Variants in PYROXD1 observed in about 807,000 individuals in gnomAD.
The protein encoded by PYROXD1 is tRNA ligase complex-associated NAD(P)H dehydrogenase PYROXD1.
PYROXD1 carries 42 observed loss-of-function variants against 62.0 expected under a neutral mutation model. The ratio of observed to expected loss-of-function variants is 0.68; its 90% CI spans 0.53 to 0.88. PYROXD1 has a LOEUF of 0.88. PYROXD1 is among the 40% of genes least tolerant of loss of function. PYROXD1 has a pLI of 0.00. For synonymous variants in PYROXD1, 170 were observed against 206.4 expected (o/e 0.82, Z 1.51); for missense variants, 493 against 604.8 (o/e 0.82, Z 1.94).
intron 2 of PYROXD1, among the ~76,000 whole-genome samples, chr12:21,444,635 G>A (rs80091847): frequency 0.016 from 2,429 of 151,768 alleles, 84 homozygotes; most frequent in Admixed American, 0.088. Context: ...CTAGAAGTAG[G>A]TTCTTACATA....
At chr12:21,437,994 A>G in intron 1 of PYROXD1, 180 bp downstream of exon 1, 1 of 621,032 alleles carries the variant, frequency 1.6e-6, no homozygotes, top group Non-Finnish European at 2.8e-6. Context: ...TGACCTCACT[A>G]GCTTTCTCTT....
At chr12:21,443,178 C>T (rs952998617) in intron 2 of PYROXD1, among the ~76,000 whole-genome samples, 2 of 152,042 alleles carry the variant, frequency 1.3e-5, no homozygotes, top group African/African-American at 4.8e-5. Context: ...AGATAGAATA[C>T]CAGAAGCTCC....
At chr12:21,457,901 A>T (rs1251419939) in intron 7 of PYROXD1, among the ~76,000 whole-genome samples, 1 of 148,860 alleles carries the variant, frequency 6.7e-6, no homozygotes, top group Non-Finnish European at 1.5e-5. Flanking sequence ...CAAACCATAT[A>T]ATGCTGTCAT....
chr12:21,462,924 G>A, intron 10 of PYROXD1, 62 bp downstream of exon 10: 11 of 1,519,512 alleles, frequency 7.2e-6, no homozygotes, highest in Non-Finnish European at 9.7e-6. Context: ...TAAAGCGGTT[G>A]TTACCAACAA....
intron 7 of PYROXD1, among the ~76,000 whole-genome samples, chr12:21,460,408 A>G (rs891126690): frequency 6.8e-6 from 1 of 147,882 alleles, no homozygotes; most frequent in Non-Finnish European, 1.5e-5. Flanking sequence ...TTATTTATTT[A>G]TTTATTTATT....
At chr12:21,460,729 C>G (rs1024741371) in intron 7 of PYROXD1, among the ~76,000 whole-genome samples, 2 of 152,094 alleles carry the variant, frequency 1.3e-5, no homozygotes, top group African/African-American at 4.8e-5. Flanking sequence ...CCAACAACTA[C>G]TGTAATTTTT....
At chr12:21,465,216 C>T (rs899335165) in intron 10 of PYROXD1, among the ~76,000 whole-genome samples, 17 of 152,190 alleles carry the variant, frequency 1.1e-4, no homozygotes, top group African/African-American at 4.1e-4. Flanking sequence ...AATGGTATTT[C>T]TAGTTCTAGA....
At chr12:21,458,960 G>A (rs948748733) in intron 7 of PYROXD1, among the ~76,000 whole-genome samples, 13 of 152,294 alleles carry the variant, frequency 8.5e-5, no homozygotes, top group African/African-American at 3.1e-4. Flanking sequence ...CTTGCTTGAT[G>A]TGGGTTTGTC....
At chr12:21,458,780 G>C (rs184930283) in intron 7 of PYROXD1, among the ~76,000 whole-genome samples, 12 of 152,196 alleles carry the variant, frequency 7.9e-5, no homozygotes, top group Non-Finnish European at 1.0e-4. Flanking sequence ...TGTTAGATGG[G>C]TGTGGTTCAT....
At chr12:21,463,519 C>T (rs1270404350) in intron 10 of PYROXD1, among the ~76,000 whole-genome samples, 5 of 151,780 alleles carry the variant, frequency 3.3e-5, no homozygotes, top group East Asian at 3.9e-4. Flanking sequence ...GATGAAACCC[C>T]GTCTTTACTA....
intron 9 of PYROXD1, 21 bp downstream of exon 9, chr12:21,462,141 C>A (rs1379882167): frequency 6.4e-6 from 9 of 1,403,010 alleles, no homozygotes; most frequent in Non-Finnish European, 9.1e-6. Context: ...ATTTTTTTGT[C>A]CAGCTGTGAA....
At position 21,469,964 on chromosome 12, in the gene PYROXD1, T is replaced by C; in HGVS notation, c.*1210T>C. On this transcript the variant is annotated 3_prime_UTR_variant, in exon 12 of 12. Coordinates refer to ENST00000240651, the MANE Select transcript of PYROXD1 (RefSeq NM_024854.5). ...TCTCAAATATTTTACATTTAAAGGG[T>C]TTTACATAAAAATTTTTCCCTTGTT... 1 of 465,932 alleles carries C rather than the reference T, an allele frequency of 2.1e-6. No individual in the cohort carries two copies. The highest frequency in any genetic ancestry group is 4.5e-5 in the East Asian group (1 of 22,450). 28.9% of individuals were successfully genotyped at this position (465,932 alleles called of 1,614,324 possible). A position where few individuals can be genotyped will look rare whatever the true frequency, so the allele number is the denominator to read the frequency against.
chr12:21,456,590 ATCT>A (rs1461326119), intron 7 of PYROXD1, among the ~76,000 whole-genome samples: 1 of 152,132 alleles, frequency 6.6e-6, no homozygotes, highest in Non-Finnish European at 1.5e-5. Flanking sequence ...GCAAATCATA[ATCT>A]TTTTTTGGTG....
chr12:21,452,011 C>A, intron 4 of PYROXD1, 70 bp from the exon 5 acceptor site: 3 of 883,156 alleles, frequency 3.4e-6, no homozygotes, highest in Admixed American at 2.6e-5. Context: ...AGAATATTAT[C>A]GAAGCCTCAT....
At chr12:21,465,603 C>T (rs1313439818) in intron 10 of PYROXD1, among the ~76,000 whole-genome samples, 3 of 151,816 alleles carry the variant, frequency 2.0e-5, no homozygotes, top group Middle Eastern at 6.8e-3. Flanking sequence ...AAATTTTCTC[C>T]CATTCTGTAG....
chr12:21,468,602 A>G lies in PYROXD1; in HGVS notation c.1351A>G (p.Met451Val), dbSNP rs1213108446. The G allele has an allele frequency of 5.0e-6, 8 of 1,613,054 alleles. No individual in the cohort carries two copies. The Admixed American group carries it at 5.0e-5, about 10-fold the overall frequency. ...TKGREYIKVV[M>V]QNGRMMGAVL... The stretch of plus-strand genomic sequence containing the variant: ...AGGACGAGAATACATCAAAGTCGTC[A>G]TGCAAAATGGACGAATGATGGGAGC... The change falls in exon 12 of 12, where the codon ATG (methionine) becomes GTG (valine). Residue 451 changes from methionine to valine, a missense_variant. This residue lies in a region of PYROXD1 where 329 missense variants were observed against 446.6 expected (regional missense o/e 0.74). Transcript: ENST00000240651.
chr12:21,462,933 A>C (rs1338606100), intron 10 of PYROXD1, 71 bp downstream of exon 10: 1 of 1,484,670 alleles, frequency 6.7e-7, no homozygotes, highest in Non-Finnish European at 9.0e-7. Flanking sequence ...TGTTACCAAC[A>C]AATCCAACTT....
intron 5 of PYROXD1, among the ~76,000 whole-genome samples, chr12:21,453,306 T>C (rs1421093672): frequency 1.3e-5 from 2 of 152,110 alleles, no homozygotes; most frequent in Non-Finnish European, 2.9e-5. Context: ...ATAAAACTCA[T>C]AGTTTTGTAT....
intron 3 of PYROXD1, among the ~76,000 whole-genome samples, chr12:21,446,208 G>A (rs919218581): frequency 3.3e-5 from 5 of 151,982 alleles, no homozygotes; most frequent in Non-Finnish European, 5.9e-5. Flanking sequence ...CGGATCATGA[G>A]GTCAGGAGAT....
Sources: allele counts gnomAD v4.1 joint callset (sites outside exome capture counted in the v4.1 genomes callset), GRCh38; gene constraint gnomAD v4.1.1; regional missense constraint gnomAD v4.1.1; transcripts MANE v1.5; gene names NCBI Gene and HGNC (gene_info 2026-07-23, HGNC 2026-07-21).